HOXB3: variants seen among roughly 807,000 people sequenced by gnomAD.
HOXB3 encodes homeobox protein Hox-B3.
HOXB3 carries 17 observed loss-of-function variants against 29.2 expected under a neutral mutation model. The observed-to-expected ratio is 0.58, with a 90% confidence interval of 0.40 to 0.87. The LOEUF is 0.87. Among genes scored for constraint, HOXB3 ranks in the 40% least tolerant of loss-of-function variants. The pLI, the probability that HOXB3 is intolerant of heterozygous loss-of-function variation, is 0.00. For synonymous variants in HOXB3, 317 were observed against 285.9 expected (o/e 1.11, Z -1.10); for missense variants, 637 against 616.3 (o/e 1.03, Z -0.35).
Position 48,552,574 on chromosome 17 carries a change from C to CT in HOXB3, c.-101_-100insA. On this transcript the variant is annotated 5_prime_UTR_variant, in exon 4 of 5. It introduces an in-frame stop codon into an upstream open reading frame of the 5' UTR. Transcript: ENST00000498678. ...TGGGGGTCACGTGACACGCCGGACCCCCCCCCCCCACCTCCCCTCTCTGCC... is the reference window on the plus strand; with the variant it reads ...TGGGGGTCACGTGACACGCCGGACCCTCCCCCCCCCACCTCCCCTCTCTGCC... 1 of 780,480 alleles carries CT rather than the reference C, an allele frequency of 1.3e-6. No individual in the cohort carries two copies. The highest frequency in any genetic ancestry group is 3.3e-5 in the Admixed American group (1 of 30,062). The allele number at this position is 780,480 out of a possible 1,614,324, so 48.3% of individuals were successfully genotyped here.
At chr17:48,566,774 G>T (rs999307382) in intron 2 of HOXB3, among the ~76,000 whole-genome samples, 4 of 152,084 alleles carry the variant, frequency 2.6e-5, no homozygotes, top group Non-Finnish European at 5.9e-5. Context: ...AAAACTCCAA[G>T]ACTTTGCCCT....
rs537519014 is a variant in HOXB3, at chr17:48,554,279, A to AG, written c.-159+1251dup. On this transcript the variant is annotated intron_variant, in intron 3 of 4. Coordinates refer to ENST00000498678, the MANE Select transcript of HOXB3 (RefSeq NM_001384749.1). This position sits in a 1 kb window ranked among gnomAD's most constrained non-coding sequence, Gnocchi z 4.1. ...GAAGAGAATGAAATAAAAACGTTGGAGGGGGTTGGCTGGCTAGGCCCTGGC... is the reference window on the plus strand; with the variant it reads ...GAAGAGAATGAAATAAAAACGTTGGAGGGGGGTTGGCTGGCTAGGCCCTGGC... The AG allele has an allele frequency of 2.0e-4, 48 of 238,990 alleles. No homozygotes were observed. Among genetic ancestry groups the AG allele is most frequent in the African/African-American group, 9.0e-4 (40 of 44,414 alleles). The allele number at this position is 238,990 out of a possible 1,614,324, so 14.8% of individuals were successfully genotyped here.
chr17:48,589,358 A>G (rs2070104687), intron 1 of HOXB3, among the ~76,000 whole-genome samples: 2 of 152,202 alleles, frequency 1.3e-5, no homozygotes, highest in South Asian at 4.1e-4. Context: ...AGGCAAGAGA[A>G]GAAGCTCTTC....
At chr17:48,578,575 T>G in intron 1 of HOXB3, 1 of 390,710 alleles carries the variant, frequency 2.6e-6, no homozygotes, top group Non-Finnish European at 4.3e-6. Flanking sequence ...CACCAGGATT[T>G]ACATAGGGCT....
At chr17:48,575,038 G>A (rs539441451) in intron 1 of HOXB3, 18 of 152,328 alleles carry the variant, frequency 1.2e-4, no homozygotes, top group African/African-American at 4.1e-4. Context: ...AGAGGAAAGC[G>A]ATACCTTCTT....
At chr17:48,565,594 G>A (rs953142241) in intron 2 of HOXB3, among the ~76,000 whole-genome samples, 5 of 152,174 alleles carry the variant, frequency 3.3e-5, no homozygotes, top group African/African-American at 1.2e-4. Flanking sequence ...ATTGAGCCTT[G>A]CAAAGGATTT....
Position 48,552,247 on chromosome 17 carries a change from C to T in HOXB3, c.228G>A (p.Pro76=), listed in dbSNP as rs149877846. Residue 76 remains proline, a synonymous_variant, in exon 4 of 5, where the codon CCG becomes CCA. Transcript: ENST00000498678. ...SKELNGSCMR[P]GLAPEPLSAP... The stretch of plus-strand genomic sequence containing the variant: ...CCGACAGGGGCTCGGGGGCCAGACC[C>T]GGCCTCATGCAGCTGCCGTTGAGCT... The T allele has an allele frequency of 4.3e-6, 7 of 1,613,074 alleles. No homozygotes were observed. The South Asian group carries it at 5.5e-5, about 13-fold the overall frequency.
At chr17:48,558,161 G>A (rs2069064119) in intron 2 of HOXB3, among the ~76,000 whole-genome samples, 1 of 152,158 alleles carries the variant, frequency 6.6e-6, no homozygotes, top group Non-Finnish European at 1.5e-5. Context: ...ATCGCTTTTG[G>A]GACTGCGCAG....
chr17:48,572,016 C>T (rs71377377), intron 2 of HOXB3, among the ~76,000 whole-genome samples: 200 of 152,326 alleles, frequency 1.3e-3, no homozygotes, highest in African/African-American at 4.5e-3. Flanking sequence ...TTCTCTTTCT[C>T]TTTGTCTCTG....
intron 1 of HOXB3, chr17:48,576,977 G>A (rs773774380): frequency 2.5e-6 from 4 of 1,611,168 alleles, no homozygotes; most frequent in South Asian, 1.1e-5. Flanking sequence ...GCGTGTAGGC[G>A]GTCCGAGAGC....
chr17:48,588,161 C>T (rs560817979), intron 1 of HOXB3, among the ~76,000 whole-genome samples: 25 of 152,264 alleles, frequency 1.6e-4, no homozygotes, highest in African/African-American at 4.3e-4. Context: ...CATTGCCTCC[C>T]GCAGCTTGTC....
chr17:48,551,352 C>G (rs1253454695), intron 4 of HOXB3, 171 bp from the exon 5 acceptor site: 1 of 719,052 alleles, frequency 1.4e-6, no homozygotes, highest in East Asian at 4.1e-5. Context: ...CCCCACCGCC[C>G]GTCGCATTAG....
chr17:48,550,657 G>C lies in HOXB3; in HGVS notation c.973C>G (p.Pro325Ala). ...ACGTGCGGCTCATACTCGGGCGCCGGGGTCGGAGGGTACTTCTGCGGGGCG... is the reference window on the plus strand; with the variant it reads ...ACGTGCGGCTCATACTCGGGCGCCGCGGTCGGAGGGTACTTCTGCGGGGCG... ...CGAPQKYPPTPAPEYEPHVLQ... is the reference protein window; with the variant it reads ...CGAPQKYPPTAAPEYEPHVLQ... Residue 325 changes from proline to alanine, a missense_variant, in exon 5 of 5, where the codon CCG (proline) becomes GCG (alanine). Physicochemically the swap from Pro to Ala is conservative, Grantham distance 27. Transcript: ENST00000498678. 6.6e-7 allele frequency: 1 copy of C among 1,524,956 alleles called. No homozygotes were observed. The highest frequency in any genetic ancestry group is 8.8e-7 in the Non-Finnish European group (1 of 1,139,118). 94.5% of individuals were successfully genotyped at this position (1,524,956 alleles called of 1,614,324 possible).
intron 1 of HOXB3, chr17:48,581,390 A>AC (rs1238912352): frequency 6.6e-6 from 1 of 152,148 alleles, no homozygotes; most frequent in African/African-American, 2.4e-5. Flanking sequence ...GTAATCTCAG[A>AC]CCCCCATCTG....
rs1430848089 is a variant in HOXB3, at chr17:48,550,898, C to A, written c.732G>T (p.Lys244Asn). 6.2e-7 allele frequency: 1 copy of A among 1,614,020 alleles called. No homozygotes were observed. The part of the protein sequence containing the change: ...IWFQNRRMKY[K>N]KDQKAKGLAS... ...CCAATCCCTTGGCCTTCTGGTCCTT[C>A]TTGTACTTCATGCGCCGGTTCTGGA... Residue 244 changes from lysine (K) to asparagine (N), a missense_variant, in exon 5 of 5, where the codon AAG (lysine) becomes AAT (asparagine). Coordinates refer to ENST00000498678, the MANE Select transcript of HOXB3 (RefSeq NM_001384749.1).
At position 48,552,609 on chromosome 17, in the gene HOXB3, C is replaced by T. The variant is rs899232993; in HGVS notation, c.-135G>A. On this transcript the variant is annotated 5_prime_UTR_variant, in exon 4 of 5. Transcript: ENST00000498678. ...ACCTCCCCTCTCTGCCCCCCTCCTC[C>T]GGGGTCTGTTCCAAGCGGCTGACCT... 6 of 678,676 alleles carry T rather than the reference C, an allele frequency of 8.8e-6. No homozygotes were observed. Among genetic ancestry groups the T allele is most frequent in the South Asian group, 2.0e-5 (1 of 50,494 alleles). 42.0% of individuals were successfully genotyped at this position (678,676 alleles called of 1,614,324 possible). A position where few individuals can be genotyped will look rare whatever the true frequency, so the allele number is the denominator to read the frequency against.
At chr17:48,568,459 C>G (rs1022693764) in intron 2 of HOXB3, among the ~76,000 whole-genome samples, 5 of 152,190 alleles carry the variant, frequency 3.3e-5, no homozygotes, top group African/African-American at 4.8e-5. Flanking sequence ...TGTAAATCGT[C>G]TGAAATAACC....
intron 2 of HOXB3, chr17:48,560,073 C>G (rs2069142110): frequency 6.6e-6 from 1 of 152,404 alleles, no homozygotes; most frequent in Non-Finnish European, 1.5e-5. Flanking sequence ...GCCTGGCAAA[C>G]CCCACCCCCA....
intron 2 of HOXB3, among the ~76,000 whole-genome samples, chr17:48,569,619 A>G (rs1324703539): frequency 6.6e-6 from 1 of 151,360 alleles, no homozygotes; most frequent in Non-Finnish European, 1.5e-5. Flanking sequence ...TTTTTCCCCA[A>G]CTCCTGGGGA....
Sources: gnomAD v4.1 joint callset for allele counts (sites outside exome capture counted in the v4.1 genomes callset) on GRCh38, gnomAD v4.1.1 for gene constraint, Gnocchi (gnomAD v3.1) non-coding constraint, MANE v1.5 for transcripts, NCBI Gene and HGNC (gene_info 2026-07-23, HGNC 2026-07-21) for gene names.